Variants in IGF2BP2 observed in about 807,000 individuals in gnomAD.
IGF2BP2 encodes the protein insulin like growth factor 2 mRNA binding protein 2.
IGF2BP2 carries 17 observed loss-of-function variants against 75.8 expected under a neutral mutation model. The ratio of observed to expected loss-of-function variants is 0.22; its 90% confidence interval spans 0.15 to 0.34. The LOEUF (loss-of-function observed/expected upper bound fraction) is 0.34, where lower values mean the gene tolerates loss of function less well. Ranked by LOEUF, IGF2BP2 falls within the 10% of genes least tolerant of loss-of-function variation. The probability of loss-of-function intolerance (pLI) is 1.00; values close to 1 mark genes in which losing one functional copy is unlikely to be tolerated. For synonymous variants in IGF2BP2, 288 were observed against 295.6 expected (o/e 0.97, Z 0.26); for missense variants, 516 against 772.4 (o/e 0.67, Z 3.93).
At chr3:185,793,025 C>T (rs1473387041) in intron 2 of IGF2BP2, among the ~76,000 whole-genome samples, 1 of 152,130 alleles carries the variant, frequency 6.6e-6, no homozygotes, top group African/African-American at 2.4e-5. Flanking sequence ...ATCACAAACA[C>T]GGCTCAACAT....
intron 2 of IGF2BP2, chr3:185,712,754 A>G (rs1724995406): frequency 6.6e-6 from 1 of 152,166 alleles, no homozygotes; most frequent in Admixed American, 6.5e-5. Flanking sequence ...ATCTCAACAA[A>G]TCTTGAATTT....
chr3:185,675,520 GGA>G (rs1452321434), intron 8 of IGF2BP2, 89 bp from the exon 9 acceptor site: 1 of 1,473,476 alleles, frequency 6.8e-7, no homozygotes, highest in Non-Finnish European at 9.3e-7. Context: ...AAGTTTTGGC[GGA>G]GAGAGAGAAG....
At chr3:185,751,724 G>A (rs1340506200) in intron 2 of IGF2BP2, among the ~76,000 whole-genome samples, 1 of 151,990 alleles carries the variant, frequency 6.6e-6, no homozygotes, top group East Asian at 1.9e-4. Context: ...CAGCACTTTG[G>A]GAGGCCGAGA....
chr3:185,698,414 C>T, intron 2 of IGF2BP2, 67 bp from the exon 3 acceptor site: 2 of 1,416,040 alleles, frequency 1.4e-6, no homozygotes. Flanking sequence ...ATAATAAAAA[C>T]CGGCTTAAAC....
chr3:185,784,621 CCT>C (rs1735631149), intron 2 of IGF2BP2, among the ~76,000 whole-genome samples: 1 of 152,268 alleles, frequency 6.6e-6, no homozygotes, highest in African/African-American at 2.4e-5. Flanking sequence ...CCAGCGATCC[CCT>C]GCTATTCATC....
chr3:185,705,565 G>T (rs201273778), intron 2 of IGF2BP2, among the ~76,000 whole-genome samples: 1 of 148,212 alleles, frequency 6.7e-6, no homozygotes, highest in Non-Finnish European at 1.5e-5. Flanking sequence ...AATGAAACAG[G>T]AAAAAAAAAA....
intron 2 of IGF2BP2, chr3:185,722,081 A>C: frequency 5.7e-6 from 2 of 349,028 alleles, no homozygotes; most frequent in Non-Finnish European, 1.1e-5. Flanking sequence ...GCATGCACCA[A>C]CCACATCTGA....
At chr3:185,739,291 T>A (rs1305108911) in intron 2 of IGF2BP2, among the ~76,000 whole-genome samples, 2 of 152,186 alleles carry the variant, frequency 1.3e-5, no homozygotes, top group Admixed American at 1.3e-4. Flanking sequence ...TAATCCTCAG[T>A]GTGTTTAAAT....
chr3:185,813,402 C>T (rs1409665837), intron 2 of IGF2BP2, among the ~76,000 whole-genome samples: 1 of 152,122 alleles, frequency 6.6e-6, no homozygotes, highest in Non-Finnish European at 1.5e-5. Context: ...GGTGGCACAA[C>T]TCAGGGAGTT....
intron 7 of IGF2BP2, 82 bp downstream of exon 7, chr3:185,686,975 T>TA (rs1015910101): frequency 4.7e-5 from 71 of 1,507,754 alleles, no homozygotes; most frequent in African/African-American, 1.5e-4. Flanking sequence ...TTGGAGTTTT[T>TA]AAAAAAAACC....
chr3:185,652,757 T>C (rs1438746525), intron 12 of IGF2BP2, among the ~76,000 whole-genome samples: 1 of 152,140 alleles, frequency 6.6e-6, no homozygotes, highest in Non-Finnish European at 1.5e-5. Flanking sequence ...TAGTCCTGGC[T>C]CTGAAAATTC....
At chr3:185,758,846 T>TG (rs1731975640) in intron 2 of IGF2BP2, among the ~76,000 whole-genome samples, 1 of 152,248 alleles carries the variant, frequency 6.6e-6, no homozygotes, top group Non-Finnish European at 1.5e-5. Flanking sequence ...GGTCACTTGT[T>TG]GCTTTCAGCA....
Position 185,696,661 on chromosome 3 carries a change from C to A in IGF2BP2, c.291G>T (p.Val97=), listed in dbSNP as rs1253930239. The A allele has an allele frequency of 6.2e-7, 1 of 1,613,656 alleles. No homozygotes were observed. Among genetic ancestry groups the A allele is most frequent in the East Asian group, 2.2e-5 (1 of 44,846 alleles). Reference sequence around the variant, plus strand: ...CATATTGAGCCAAAAGTCCATCCAACACCTAAAAGAGAAAGCTTCCATGTC... The same window carrying A: ...CATATTGAGCCAAAAGTCCATCCAAAACCTAAAAGAGAAAGCTTCCATGTC... ...RNIPPHLQWE[V]LDGLLAQYGT... The change falls in exon 4 of 16, where the codon GTG becomes GTT. Residue 97 remains valine, a splice_region_variant and synonymous_variant. Coordinates refer to ENST00000382199, the MANE Select transcript of IGF2BP2 (RefSeq NM_006548.6).
At chr3:185,657,864 C>A (rs973760359) in intron 11 of IGF2BP2, among the ~76,000 whole-genome samples, 5 of 152,204 alleles carry the variant, frequency 3.3e-5, no homozygotes, top group Non-Finnish European at 5.9e-5. Context: ...TGACCTGACC[C>A]AGCTGCACGG....
intron 2 of IGF2BP2, among the ~76,000 whole-genome samples, chr3:185,739,571 A>G (rs1729269997): frequency 6.6e-6 from 1 of 152,126 alleles, no homozygotes; most frequent in Admixed American, 6.5e-5. Context: ...TTTGGCCAGG[A>G]GCAGACACAC....
chr3:185,671,023 A>G (rs967663069), intron 10 of IGF2BP2, among the ~76,000 whole-genome samples: 6 of 152,228 alleles, frequency 3.9e-5, no homozygotes, highest in Admixed American at 2.0e-4. Context: ...ATGTGCCTCA[A>G]TGCCACTTGG....
intron 2 of IGF2BP2, among the ~76,000 whole-genome samples, chr3:185,818,764 G>A (rs1029105740): frequency 6.6e-6 from 1 of 152,088 alleles, no homozygotes; most frequent in African/African-American, 2.4e-5. Context: ...TATATAAACA[G>A]TTCCTGTAGA....
chr3:185,657,510 C>T (rs1208981191), intron 11 of IGF2BP2, 108 bp from the exon 12 acceptor site: 10 of 826,712 alleles, frequency 1.2e-5, no homozygotes, highest in Admixed American at 2.2e-5. Flanking sequence ...GGGAAGGCCC[C>T]GCCACCCAAG....
At chr3:185,790,671 C>T (rs748653352) in intron 2 of IGF2BP2, among the ~76,000 whole-genome samples, 1 of 152,142 alleles carries the variant, frequency 6.6e-6, no homozygotes, top group African/African-American at 2.4e-5. Context: ...CTCAATTCTA[C>T]CTAAGATTGG....
Sources: gnomAD v4.1 joint callset for allele counts (sites outside exome capture counted in the v4.1 genomes callset) on GRCh38, gnomAD v4.1.1 for gene constraint, MANE v1.5 for transcripts, NCBI Gene and HGNC (gene_info 2026-07-23, HGNC 2026-07-21) for gene names.